KCNH8: variants seen among roughly 807,000 people sequenced by gnomAD.
KCNH8 encodes potassium voltage-gated channel subfamily H member 8, also known as voltage-gated delayed rectifier potassium channel KCNH8.
A neutral mutation model predicts 103.6 loss-of-function variants in KCNH8; 70 were observed. The ratio of observed to expected loss-of-function variants is 0.68; its 90% CI spans 0.56 to 0.82. The LOEUF is 0.82. KCNH8 is among the 40% of genes least tolerant of loss of function. KCNH8 has a pLI of 0.00. For missense variants in KCNH8, 1,217 were observed against 1,329.9 expected, an observed-to-expected ratio of 0.92 and a Z score of 1.32; for synonymous variants, 498 against 489.4, an observed-to-expected ratio of 1.02 and a Z score of -0.23.
intron 11 of KCNH8, among the ~76,000 whole-genome samples, chr3:19,485,968 T>A (rs758168246): frequency 2.0e-5 from 3 of 152,190 alleles, no homozygotes; most frequent in Non-Finnish European, 4.4e-5. Flanking sequence ...TCAGTGTAGA[T>A]GTTTACAGTC....
rs79484790 is a variant in KCNH8, at chr3:19,294,796, T to C, written c.442+13467T>C. Among the ~76,000 whole-genome samples the C allele has an allele frequency of 2.0e-5, 3 of 152,250 alleles. No individual in the cohort carries two copies. The East Asian group carries it at 5.8e-4, about 30-fold the overall frequency. ...TGTTGCCATAGGCTGTGGTAAGTACTAGGCATAATAGTCATGGCATGCTTC... is the reference window on the plus strand; with the variant it reads ...TGTTGCCATAGGCTGTGGTAAGTACCAGGCATAATAGTCATGGCATGCTTC... On this transcript the variant is annotated intron_variant, in intron 3 of 15. Transcript: ENST00000328405.
intron 3 of KCNH8, among the ~76,000 whole-genome samples, chr3:19,327,925 T>G (rs557842069): frequency 6.6e-6 from 1 of 152,312 alleles, no homozygotes; most frequent in East Asian, 1.9e-4. Flanking sequence ...GGGTTAATAT[T>G]AGATTTATAT....
chr3:19,372,598 T>C (rs1288369050), intron 5 of KCNH8, among the ~76,000 whole-genome samples: 4 of 152,168 alleles, frequency 2.6e-5, no homozygotes, highest in Admixed American at 2.6e-4. Flanking sequence ...TTGAATACCG[T>C]TTATTTCCTT....
Position 19,222,521 on chromosome 3 carries a change from A to G in KCNH8, c.77-31133A>G, listed in dbSNP as rs566505981. On this transcript the variant is annotated intron_variant, in intron 1 of 15. Transcript: ENST00000328405. ...AAGCATGTGCATTTGTATACAGAGG[A>G]TAATTTTGTTTGGCATTTCCAGTCA... Among the ~76,000 whole-genome samples, 9 of 152,310 alleles carry G rather than the reference A, an allele frequency of 5.9e-5. No homozygotes were observed. The South Asian group carries it at 1.9e-3, about 32-fold the overall frequency.
At chr3:19,482,153 G>C (rs1031692464) in intron 11 of KCNH8, among the ~76,000 whole-genome samples, 4 of 152,174 alleles carry the variant, frequency 2.6e-5, no homozygotes, top group South Asian at 2.1e-4. Flanking sequence ...CCGGTAATTA[G>C]AATGGAAGAG....
At chr3:19,449,797 G>T (rs1404324981) in intron 8 of KCNH8, among the ~76,000 whole-genome samples, 1 of 152,006 alleles carries the variant, frequency 6.6e-6, no homozygotes, top group Non-Finnish European at 1.5e-5. Flanking sequence ...TCAAATAAAA[G>T]TTTATCATAA....
At position 19,472,779 on chromosome 3, in the gene KCNH8, G is replaced by T. The variant is rs549911525; in HGVS notation, c.2040+15797G>T. Among the ~76,000 whole-genome samples, 3 of 152,256 alleles carry T rather than the reference G, an allele frequency of 2.0e-5. No homozygotes were observed. In the East Asian group the frequency reaches 5.8e-4, roughly 29 times the overall value. The stretch of plus-strand genomic sequence containing the variant: ...ATCAGAATATCTCCTTTGCAGAGAG[G>T]ACATTCACATTTGGGTAAATCTCCC... On this transcript the variant is annotated intron_variant, in intron 11 of 15. Transcript: ENST00000328405.
At chr3:19,241,329 A>G (rs2064138474) in intron 1 of KCNH8, among the ~76,000 whole-genome samples, 1 of 152,166 alleles carries the variant, frequency 6.6e-6, no homozygotes, top group South Asian at 2.1e-4. Context: ...CATACGATTC[A>G]ACTACTTCAC....
intron 1 of KCNH8, among the ~76,000 whole-genome samples, chr3:19,153,776 T>A (rs957965760): frequency 2.0e-5 from 3 of 151,754 alleles, no homozygotes; most frequent in Non-Finnish European, 2.9e-5. Flanking sequence ...GGATTACAGA[T>A]GCCTGCCACT....
At chr3:19,411,584 G>A (rs1353210235) in intron 7 of KCNH8, among the ~76,000 whole-genome samples, 1 of 151,804 alleles carries the variant, frequency 6.6e-6, no homozygotes, top group East Asian at 1.9e-4. Context: ...CTCTTTTGGG[G>A]AGATATGATT....
intron 1 of KCNH8, among the ~76,000 whole-genome samples, chr3:19,192,017 G>T (rs1255726768): frequency 6.6e-6 from 1 of 151,144 alleles, no homozygotes; most frequent in East Asian, 1.9e-4. Context: ...TCCTTATCAA[G>T]TTGATGGTTT....
chr3:19,495,726 TTA>T (rs919681685), intron 11 of KCNH8, among the ~76,000 whole-genome samples: 23 of 152,142 alleles, frequency 1.5e-4, no homozygotes, highest in African/African-American at 5.3e-4. Context: ...TTTTTTTTTT[TTA>T]AATTGCATGA....
intron 5 of KCNH8, 47 bp downstream of exon 5, chr3:19,348,012 G>T: frequency 1.3e-6 from 2 of 1,593,388 alleles, no homozygotes; most frequent in South Asian, 1.1e-5. Context: ...TATGAGAAGT[G>T]AAGTGTGTTC....
At chr3:19,528,604 C>T (rs1358457905) in intron 15 of KCNH8, among the ~76,000 whole-genome samples, 1 of 152,076 alleles carries the variant, frequency 6.6e-6, no homozygotes, top group Admixed American at 6.6e-5. Flanking sequence ...GTCATACCTA[C>T]TTTTAGTATA....
intron 5 of KCNH8, among the ~76,000 whole-genome samples, chr3:19,390,112 G>C (rs1049513705): frequency 6.6e-5 from 10 of 152,060 alleles, no homozygotes; most frequent in African/African-American, 1.9e-4. Context: ...TGGGTACATA[G>C]TGAACACTTA....
At chr3:19,352,403 T>G (rs2065816009) in intron 5 of KCNH8, among the ~76,000 whole-genome samples, 1 of 152,010 alleles carries the variant, frequency 6.6e-6, no homozygotes, top group African/African-American at 2.4e-5. Context: ...TCTACAGAAC[T>G]CTCCACCCCA....
chr3:19,439,337 A>G (rs929466056), intron 8 of KCNH8, among the ~76,000 whole-genome samples: 1 of 152,240 alleles, frequency 6.6e-6, no homozygotes, highest in African/African-American at 2.4e-5. Context: ...TTTTAAAGCC[A>G]GTAAGTTCAA....
At chr3:19,450,386 A>C in intron 9 of KCNH8, 81 bp downstream of exon 9, 1 of 1,067,992 alleles carries the variant, frequency 9.4e-7, no homozygotes, top group Non-Finnish European at 1.5e-6. Flanking sequence ...TGCAGGTATC[A>C]GAAGTGAAAA....
intron 14 of KCNH8, among the ~76,000 whole-genome samples, chr3:19,516,107 G>C (rs2068870134): frequency 6.6e-6 from 1 of 152,038 alleles, no homozygotes; most frequent in Admixed American, 6.6e-5. Context: ...GTGTTGAATA[G>C]GCAGAGACAA....
Sources: allele counts gnomAD v4.1 joint callset (sites outside exome capture counted in the v4.1 genomes callset), GRCh38; gene constraint gnomAD v4.1.1; transcripts MANE v1.5; gene names NCBI Gene and HGNC (gene_info 2026-07-23, HGNC 2026-07-21).